Variants in ARSK observed in about 807,000 individuals in gnomAD.
The protein encoded by ARSK is arylsulfatase family member K.
A neutral mutation model predicts 53.2 loss-of-function variants in ARSK; 37 were observed. That is an observed-to-expected ratio of 0.70 (90% CI 0.54 to 0.92). The LOEUF (loss-of-function observed/expected upper bound fraction) is 0.92. Among genes scored for constraint, ARSK ranks in the 40% least tolerant of loss-of-function variants. The probability of loss-of-function intolerance (pLI) is 0.00; values close to 1 mark genes in which losing one functional copy is unlikely to be tolerated. For synonymous variants in ARSK, 208 were observed against 223.2 expected (o/e 0.93, Z 0.61); for missense variants, 613 against 643.0 (o/e 0.95, Z 0.51).
At chr5:95,592,312 GA>G (rs752079026) in intron 6 of ARSK, among the ~76,000 whole-genome samples, 1 of 150,084 alleles carries the variant, frequency 6.7e-6, no homozygotes, top group Admixed American at 6.6e-5. Flanking sequence ...TTTGGTGAAA[GA>G]AAAAAAAATA....
intron 4 of ARSK, 46 bp from the exon 5 acceptor site, chr5:95,586,512 GAAAT>G (rs1378784340): frequency 7.1e-7 from 1 of 1,415,148 alleles, no homozygotes; most frequent in Non-Finnish European, 9.8e-7. Flanking sequence ...TTGGAGGAAA[GAAAT>G]AGCACTATTT....
At chr5:95,599,421 T>G (rs1291125165) in intron 6 of ARSK, among the ~76,000 whole-genome samples, 1 of 151,786 alleles carries the variant, frequency 6.6e-6, no homozygotes, top group Non-Finnish European at 1.5e-5. Flanking sequence ...CATGCCTTGC[T>G]GGTGGTGCCT....
intron 5 of ARSK, among the ~76,000 whole-genome samples, chr5:95,587,112 C>A (rs1430874384): frequency 1.3e-5 from 2 of 152,158 alleles, no homozygotes; most frequent in Admixed American, 1.3e-4. Context: ...CTTGTAGAAT[C>A]TTGTGACTCC....
Position 95,601,056 on chromosome 5 carries a change from T to G in ARSK, c.1306T>G (p.Leu436Val), listed in dbSNP as rs767008042. ...AGCCTATTCGGATGGTGCATCAATA[T>G]TGCCTCAACTCTTTGGTAAGTTTGT... ...YIAYSDGASILPQLFDLSSDP... is the reference protein window; with the variant it reads ...YIAYSDGASIVPQLFDLSSDP... Residue 436 changes from leucine (L) to valine (V), a missense_variant, in exon 7 of 8, where the codon TTG (leucine) becomes GTG (valine). By Grantham distance (32) the Leu-to-Val change is conservative. Transcript: ENST00000380009. 18 of 1,613,160 alleles carry G rather than the reference T, an allele frequency of 1.1e-5. No individual in the cohort carries two copies. In the Admixed American group the frequency reaches 3.0e-4, roughly 27 times the overall value.
intron 3 of ARSK, among the ~76,000 whole-genome samples, chr5:95,569,783 A>G (rs561817364): frequency 6.6e-6 from 1 of 152,332 alleles, no homozygotes; most frequent in Non-Finnish European, 1.5e-5. Flanking sequence ...GGGTAAACAG[A>G]TACTAAAATA....
intron 6 of ARSK, among the ~76,000 whole-genome samples, chr5:95,598,181 A>T (rs1423386883): frequency 2.0e-5 from 3 of 151,970 alleles, no homozygotes; most frequent in Admixed American, 6.6e-5. Flanking sequence ...ACATTAAGTC[A>T]CTCTTGCTTA....
chr5:95,593,078 A>G (rs561188507), intron 6 of ARSK, among the ~76,000 whole-genome samples: 1 of 152,226 alleles, frequency 6.6e-6, no homozygotes, highest in Non-Finnish European at 1.5e-5. Context: ...ATGAATATAT[A>G]TGAATTTAGA....
rs1262420758 is a variant in ARSK at position 95,566,052 on chromosome 5, A to T, written c.181A>T (p.Asn61Tyr). 6 of 1,613,406 alleles carry T rather than the reference A, an allele frequency of 3.7e-6. No individual in the cohort carries two copies. Among genetic ancestry groups the T allele is most frequent in the Middle Eastern group, 1.7e-4 (1 of 6,058 alleles). ...TCAGGTAGTGAAACTTCCTTTTATCAACTTTATGAAGACACGTGGGACTTC... is the reference window on the plus strand; with the variant it reads ...TCAGGTAGTGAAACTTCCTTTTATCTACTTTATGAAGACACGTGGGACTTC... ...GSQVVKLPFINFMKTRGTSFL... is the reference protein window; with the variant it reads ...GSQVVKLPFIYFMKTRGTSFL... Residue 61 changes from asparagine to tyrosine, a missense_variant, in exon 2 of 8, where the codon AAC becomes TAC. Transcript: ENST00000380009.
chr5:95,572,341 G>T (rs1429144345), intron 3 of ARSK, among the ~76,000 whole-genome samples: 2 of 152,294 alleles, frequency 1.3e-5, no homozygotes, highest in East Asian at 3.9e-4. Flanking sequence ...GGCTTTAAAA[G>T]TTCTTCTACT....
chr5:95,568,807 G>C (rs1748775196), intron 3 of ARSK, among the ~76,000 whole-genome samples: 1 of 152,090 alleles, frequency 6.6e-6, no homozygotes, highest in Non-Finnish European at 1.5e-5. Context: ...GTGCATTGTG[G>C]TTTATGCCGA....
At chr5:95,578,321 ATTTTT>A (rs543934915) in intron 3 of ARSK, among the ~76,000 whole-genome samples, 1 of 140,106 alleles carries the variant, frequency 7.1e-6, no homozygotes, top group Admixed American at 7.2e-5. Flanking sequence ...CCAGTGAAGA[ATTTTT>A]TTTTTTTTTT....
rs1292323179 is a variant in ARSK, at chr5:95,603,447, A to G, written c.1532A>G (p.Asp511Gly). The G allele has an allele frequency of 6.2e-7, 1 of 1,613,892 alleles. No homozygotes were observed. Residue 511 changes from aspartate to glycine, a missense_variant, in exon 8 of 8, where the codon GAC becomes GGC. Coordinates refer to ENST00000380009, the MANE Select transcript of ARSK (RefSeq NM_198150.3). ...NVIANLRWHQ[D>G]WQKEPRKYEN... ...ATAGCAAATCTTAGGTGGCACCAAG[A>G]CTGGCAGAAGGAACCAAGGAAGTAT...
intron 2 of ARSK, among the ~76,000 whole-genome samples, chr5:95,567,100 T>G (rs1748737097): frequency 6.6e-6 from 1 of 152,186 alleles, no homozygotes; most frequent in African/African-American, 2.4e-5. Flanking sequence ...AATTGCTGTG[T>G]ATACTGTGTA....
At chr5:95,584,575 C>T (rs1749077280) in intron 4 of ARSK, among the ~76,000 whole-genome samples, 1 of 152,108 alleles carries the variant, frequency 6.6e-6, no homozygotes, top group South Asian at 2.1e-4. Context: ...AAAGCCTCTG[C>T]ACAGCAAAAG....
intron 1 of ARSK, among the ~76,000 whole-genome samples, chr5:95,563,365 A>G (rs1387859572): frequency 6.6e-6 from 1 of 152,190 alleles, no homozygotes; most frequent in East Asian, 1.9e-4. Context: ...AAATTGAACA[A>G]ATCTCTGGAT....
intron 6 of ARSK, among the ~76,000 whole-genome samples, chr5:95,593,843 T>G (rs1489299090): frequency 6.6e-6 from 1 of 152,156 alleles, no homozygotes; most frequent in Non-Finnish European, 1.5e-5. Flanking sequence ...TTATTATAAT[T>G]CTCTAAAACT....
intron 3 of ARSK, among the ~76,000 whole-genome samples, chr5:95,582,682 T>C (rs576931485): frequency 8.5e-5 from 13 of 152,220 alleles, no homozygotes; most frequent in Non-Finnish European, 1.9e-4. Flanking sequence ...CTACATAATC[T>C]TTCATAGTTT....
At position 95,555,454 on chromosome 5, in the gene ARSK, T is replaced by TCAC. The variant is rs1317687422; in HGVS notation, c.126+52_126+54dup. 3 of 1,551,110 alleles carry TCAC rather than the reference T, an allele frequency of 1.9e-6. No homozygotes were observed. Among genetic ancestry groups the TCAC allele is most frequent in the African/African-American group, 1.4e-5 (1 of 72,882 alleles). The stretch of plus-strand genomic sequence containing the variant: ...GGCGCCCCGCTGGGGATCGGCGACC[T>TCAC]CACCGCCGCCGCCTGTGCTGCAGGC... On this transcript the variant is annotated intron_variant, in intron 1 of 7. Transcript: ENST00000380009. This position sits in a 1 kb window ranked among gnomAD's most constrained non-coding sequence, Gnocchi z 4.0.
chr5:95,599,256 C>A (rs1316891288), intron 6 of ARSK, among the ~76,000 whole-genome samples: 1 of 152,206 alleles, frequency 6.6e-6, no homozygotes, highest in Non-Finnish European at 1.5e-5. Context: ...GTCTTCCAAG[C>A]TTCCTTAGGA....
Sources: allele counts gnomAD v4.1 joint callset (sites outside exome capture counted in the v4.1 genomes callset), GRCh38; gene constraint gnomAD v4.1.1; non-coding constraint Gnocchi (gnomAD v3.1); transcripts MANE v1.5; gene names NCBI Gene and HGNC (gene_info 2026-07-23, HGNC 2026-07-21).